CRYBG2: variants seen among roughly 807,000 people sequenced by gnomAD.
CRYBG2 encodes crystallin beta-gamma domain containing 2, also known as beta/gamma crystallin domain-containing protein 2.
In CRYBG2, 106 loss-of-function variants were observed where a neutral mutation model predicts 153.4. The observed-to-expected ratio is 0.69, with a 90% CI of 0.59 to 0.81. The LOEUF (loss-of-function observed/expected upper bound fraction) is 0.81, where lower values mean the gene tolerates loss of function less well. CRYBG2 is among the 30% of genes least tolerant of loss of function. The probability of loss-of-function intolerance (pLI) is 0.00; values close to 1 mark genes in which losing one functional copy is unlikely to be tolerated. For missense variants in CRYBG2, 1,996 were observed against 2,112.0 expected (o/e 0.95, Z 1.08); for synonymous variants, 851 against 877.8 (o/e 0.97, Z 0.54).
intron 5 of CRYBG2, 148 bp from the exon 6 acceptor site, chr1:26,339,577 T>C (rs12124805): frequency 0.084 from 65,856 of 784,892 alleles, 3,425 homozygotes; most frequent in Non-Finnish European, 0.1. Flanking sequence ...AGAAACCCAG[T>C]CTCTACTAAA....
At position 26,337,286 on chromosome 1, in the gene CRYBG2, G is replaced by C. The variant is rs1466298650; in HGVS notation, c.3738C>G (p.Asp1246Glu). The C allele has an allele frequency of 6.2e-7, 1 of 1,614,062 alleles. No individual in the cohort carries two copies. The highest frequency in any genetic ancestry group is 8.5e-7 in the Non-Finnish European group (1 of 1,179,986). The change falls in exon 10 of 20, where the codon GAC becomes GAG. Residue 1246 changes from aspartate (D) to glutamate (E), a missense_variant. Transcript: ENST00000308182. Reference protein sequence around the residue: ...YPDWSHWGGYDELLTSLRVIR... With the variant: ...YPDWSHWGGYEELLTSLRVIR... ...TGACCCGGAGGGAGGTCAGCAACTCGTCATAGCCTCCCCAGTGTGACCAGT... is the reference window on the plus strand; with the variant it reads ...TGACCCGGAGGGAGGTCAGCAACTCCTCATAGCCTCCCCAGTGTGACCAGT...
chr1:26,339,426 A>C lies in CRYBG2; in HGVS notation c.3208T>G (p.Tyr1070Asp). 6.2e-7 allele frequency: 1 copy of C among 1,613,916 alleles called. No homozygotes were observed. The highest frequency in any genetic ancestry group is 1.1e-5 in the South Asian group (1 of 91,076). ...AAGAGGCTGATTTCCGGGGTGCTGTAGTCCTGTGGAAGGAGGGGGAAAATT... is the reference window on the plus strand; with the variant it reads ...AAGAGGCTGATTTCCGGGGTGCTGTCGTCCTGTGGAAGGAGGGGGAAAATT... ...IGSLRRVVWD[Y>D]STPEISLFSE... Residue 1070 changes from tyrosine to aspartate, a missense_variant, in exon 6 of 20, where the codon TAC (tyrosine) becomes GAC (aspartate). Tyr to Asp is a radical substitution (Grantham distance 160). Transcript: ENST00000308182.
intron 5 of CRYBG2, among the ~76,000 whole-genome samples, chr1:26,341,158 G>A (rs899016727): frequency 6.6e-6 from 1 of 151,628 alleles, no homozygotes; most frequent in East Asian, 2.0e-4. Flanking sequence ...CTAACACGGT[G>A]AAACCCCGTC....
chr1:26,322,337 A>G lies in CRYBG2; in HGVS notation c.4738-14T>C, dbSNP rs571009104. 76 of 1,605,046 alleles carry G rather than the reference A, an allele frequency of 4.7e-5. No homozygotes were observed. The highest frequency in any genetic ancestry group is 6.4e-5 in the Non-Finnish European group (75 of 1,175,390). On this transcript the variant is annotated splice_polypyrimidine_tract_variant and intron_variant, in intron 18 of 19. Transcript: ENST00000308182. ...GGTGGGGGCCATCTGAGGCCCCAGG[A>G]GGTCATCAGGCATTGTTCCTCCCCA...
Position 26,344,503 on chromosome 1 carries a change from G to C in CRYBG2, c.2155C>G (p.Pro719Ala), listed in dbSNP as rs1295270907. Residue 719 changes from proline to alanine, a missense_variant, in exon 2 of 20, where the codon CCA becomes GCA. Transcript: ENST00000308182. ...GGCACTGGGGCAGGGGTGCCTCCTG[G>C]GCTGGGGGACACCCTGTCCACTGAG... ...SSSVDRVSPS[P>A]GGTPAPVPTG... 2.6e-6 allele frequency: 4 copies of C among 1,546,954 alleles called. No individual in the cohort carries two copies. The South Asian group carries it at 4.8e-5, about 18-fold the overall frequency.
In CRYBG2 at chr1:26,343,805, A is replaced by T; in HGVS notation, c.2853T>A (p.Leu951=). The T allele has an allele frequency of 1.4e-6, 2 of 1,453,636 alleles. No homozygotes were observed. The highest frequency in any genetic ancestry group is 1.8e-6 in the Non-Finnish European group (2 of 1,100,274). 90.0% of individuals were successfully genotyped at this position (1,453,636 alleles called of 1,614,324 possible). The change falls in exon 2 of 20, where the codon CTT becomes CTA. Residue 951 remains leucine, a synonymous_variant. Transcript: ENST00000308182. This position sits in a 1 kb window ranked among gnomAD's most constrained non-coding sequence, Gnocchi z 4.1. ...CCGTTGGGGATGATCTTTCACTGCA[A>T]AGCAGGGGCAACTGTCCTGGCACCT... The part of the protein sequence containing the change: ...LRKVPGQLPL[L]CSERSSPTEK...
chr1:26,344,372 A>G lies in CRYBG2; in HGVS notation c.2286T>C (p.Ala762=). 6.6e-7 allele frequency: 1 copy of G among 1,512,676 alleles called. No homozygotes were observed. The highest frequency in any genetic ancestry group is 1.3e-5 in the South Asian group (1 of 78,410). 93.7% of individuals were successfully genotyped at this position (1,512,676 alleles called of 1,614,324 possible). A position where few individuals can be genotyped will look rare whatever the true frequency, so the allele number is the denominator to read the frequency against. ...SREEDEVALA[A]DLEIFLDTLR... ...GCGTATCCAGGAATATCTCCAGGTC[A>G]GCGGCCAGGGCCACCTCATCCTCCT... The change falls in exon 2 of 20, where the codon GCT becomes GCC. Residue 762 remains alanine, a synonymous_variant. Transcript: ENST00000308182.
chr1:26,326,246 A>G (rs896381527), intron 17 of CRYBG2, among the ~76,000 whole-genome samples: 1 of 152,136 alleles, frequency 6.6e-6, no homozygotes, highest in Non-Finnish European at 1.5e-5. Flanking sequence ...TCTATTAAGA[A>G]AAAAAATCAG....
In CRYBG2 at chr1:26,336,104, T is replaced by C; in HGVS notation, c.4175A>G (p.His1392Arg). The change falls in exon 14 of 20, where the codon CAC (histidine) becomes CGC (arginine). Residue 1392 changes from histidine to arginine, a missense_variant. Coordinates refer to ENST00000308182, the MANE Select transcript of CRYBG2 (RefSeq NM_001039775.4). The surrounding 1 kb of genome is among the most constrained non-coding windows in gnomAD (Gnocchi z 4.9). ...ASFRPQSCRV[H>R]GGSWILFDET... The stretch of plus-strand genomic sequence containing the variant: ...CCCTCCACGTTCTCACCTGCCGCCG[T>C]GGACCCGGCAGGACTGAGGTCGGAA... 2.0e-6 allele frequency: 3 copies of C among 1,475,730 alleles called. No individual in the cohort carries two copies. The highest frequency in any genetic ancestry group is 2.7e-6 in the Non-Finnish European group (3 of 1,105,620). 91.4% of individuals were successfully genotyped at this position (1,475,730 alleles called of 1,614,324 possible). A position where few individuals can be genotyped will look rare whatever the true frequency, so the allele number is the denominator to read the frequency against.
At chr1:26,337,879 G>T in intron 8 of CRYBG2, 133 bp downstream of exon 8, 1 of 1,331,474 alleles carries the variant, frequency 7.5e-7, no homozygotes, top group Non-Finnish European at 1.0e-6. Flanking sequence ...GAGCCCATCA[G>T]GTCCCATCCC....
At chr1:26,323,768 C>T (rs189514015) in intron 18 of CRYBG2, among the ~76,000 whole-genome samples, 1 of 152,124 alleles carries the variant, frequency 6.6e-6, no homozygotes, top group East Asian at 1.9e-4. Context: ...GCATGCACCA[C>T]CACACCCAGT....
Position 26,345,651 on chromosome 1 carries a change from C to T in CRYBG2, c.1007G>A (p.Ser336Asn). Residue 336 changes from serine (S) to asparagine (N), a missense_variant, in exon 2 of 20, where the codon AGT becomes AAT. Transcript: ENST00000308182. ...CELWQVLGAP[S>N]STELPLQTSQ... ...AGTCTGGAGAGGGAGCTCAGTGGAA[C>T]TGGGGGCTCCCAGCACCTGCCAGAG... 4.4e-6 allele frequency: 7 copies of T among 1,598,870 alleles called. No homozygotes were observed. Among genetic ancestry groups the T allele is most frequent in the Non-Finnish European group, 5.9e-6 (7 of 1,179,768 alleles).
In CRYBG2 at chr1:26,336,559, C is replaced by CAGGTCCCGCCACCGGGG. The variant is rs2074058977; in HGVS notation, c.4038+30_4038+46dup. ...GTGGGGGCGGGGCGCACCCGAACTC[C>CAGGTCCCGCCACCGGGG]AGGTCCCGCCACCGGGGAGGCCCCG... On this transcript the variant is annotated intron_variant, in intron 12 of 19. Transcript: ENST00000308182. This position sits in a 1 kb window ranked among gnomAD's most constrained non-coding sequence, Gnocchi z 4.9. The CAGGTCCCGCCACCGGGG allele has an allele frequency of 3.2e-6, 5 of 1,541,094 alleles. No individual in the cohort carries two copies. Among genetic ancestry groups the CAGGTCCCGCCACCGGGG allele is most frequent in the Non-Finnish European group, 3.5e-6 (4 of 1,142,750 alleles).
At chr1:26,327,542 C>T (rs190501056) in intron 17 of CRYBG2, among the ~76,000 whole-genome samples, 3 of 150,794 alleles carry the variant, frequency 2.0e-5, no homozygotes, top group East Asian at 3.9e-4. Context: ...CCAGCTACTT[C>T]GGAGGATGAG....
chr1:26,326,309 G>A (rs1430432683), intron 17 of CRYBG2, among the ~76,000 whole-genome samples: 5 of 152,022 alleles, frequency 3.3e-5, no homozygotes, highest in African/African-American at 4.8e-5. Context: ...AGGCTGAGAC[G>A]GGCGGATCAT....
At chr1:26,327,062 A>AG in intron 17 of CRYBG2, 1 of 443,404 alleles carries the variant, frequency 2.3e-6, no homozygotes, top group African/African-American at 2.0e-5. Context: ...GGCTGGGCAC[A>AG]GTGGTTCATG....
At position 26,336,082 on chromosome 1, in the gene CRYBG2, T is replaced by TCC; in HGVS notation, c.4184+11_4184+12dup. The stretch of plus-strand genomic sequence containing the variant: ...CCCAGCGCCCCCAGCCCTCCGCCCC[T>TCC]CCACGTTCTCACCTGCCGCCGTGGA... On this transcript the variant is annotated intron_variant, in intron 14 of 19. Transcript: ENST00000308182. This position sits in a 1 kb window ranked among gnomAD's most constrained non-coding sequence, Gnocchi z 4.9. The TCC allele has an allele frequency of 1.4e-6, 2 of 1,446,200 alleles. No homozygotes were observed. Among genetic ancestry groups the TCC allele is most frequent in the South Asian group, 1.5e-5 (1 of 68,162 alleles). 89.6% of individuals were successfully genotyped at this position (1,446,200 alleles called of 1,614,324 possible).
chr1:26,327,861 C>A (rs1252981353), intron 17 of CRYBG2, among the ~76,000 whole-genome samples: 1 of 150,540 alleles, frequency 6.6e-6, no homozygotes, highest in Non-Finnish European at 1.5e-5. Context: ...GCACAAGAAG[C>A]ACTTAAACCC....
At chr1:26,339,674 T>C (rs985273632) in intron 5 of CRYBG2, among the ~76,000 whole-genome samples, 7 of 151,114 alleles carry the variant, frequency 4.6e-5, no homozygotes, top group Admixed American at 4.0e-4. Flanking sequence ...AGGCAGAGGT[T>C]GCGGTGAGCC....
Sources: gnomAD v4.1 joint callset for allele counts (sites outside exome capture counted in the v4.1 genomes callset) on GRCh38, gnomAD v4.1.1 for gene constraint, Gnocchi (gnomAD v3.1) non-coding constraint, MANE v1.5 for transcripts, NCBI Gene and HGNC (gene_info 2026-07-23, HGNC 2026-07-21) for gene names.